WARS2: variants seen among roughly 807,000 people sequenced by gnomAD.
WARS2 encodes tryptophan--tRNA ligase, mitochondrial.
WARS2 carries 28 observed loss-of-function variants against 36.5 expected under a neutral mutation model. That is an observed-to-expected ratio of 0.77 (90% CI 0.57 to 1.05). The LOEUF (loss-of-function observed/expected upper bound fraction) is 1.05. Among genes scored for constraint, WARS2 ranks in the 50% least tolerant of loss-of-function variants. The pLI is 0.00. For synonymous variants in WARS2, 174 were observed against 178.4 expected, an observed-to-expected ratio of 0.98 and a Z score of 0.20; for missense variants, 435 against 456.8, an observed-to-expected ratio of 0.95 and a Z score of 0.44.
rs368847396 is a variant in WARS2, at chr1:119,108,334, G to A, written c.91-31727C>T. On this transcript the variant is annotated intron_variant, in intron 1 of 5. Coordinates refer to ENST00000235521, the MANE Select transcript of WARS2 (RefSeq NM_015836.4). ...AGGCCTGGTACTTTATATTTTGGAA[G>A]GTTTTAAATTATTGATTCAATTGAT... 3.3e-5 allele frequency among the ~76,000 whole-genome samples: 5 copies of A among 151,970 alleles called. No individual in the cohort carries two copies. The East Asian group carries it at 9.7e-4, about 29-fold the overall frequency.
chr1:119,096,460 T>G (rs888566953), intron 1 of WARS2, among the ~76,000 whole-genome samples: 2 of 152,166 alleles, frequency 1.3e-5, no homozygotes, highest in African/African-American at 4.8e-5. Context: ...CTGATTTTAT[T>G]TTTATATATT....
chr1:119,039,438 AAG>A (rs1226223681), intron 4 of WARS2, among the ~76,000 whole-genome samples: 1 of 151,916 alleles, frequency 6.6e-6, no homozygotes, highest in Non-Finnish European at 1.5e-5. Flanking sequence ...GAGAGAGAAA[AAG>A]AGAGAGAGAG....
intron 1 of WARS2, among the ~76,000 whole-genome samples, chr1:119,124,387 T>C (rs1189954321): frequency 6.6e-6 from 1 of 151,944 alleles, no homozygotes; most frequent in Non-Finnish European, 1.5e-5. Context: ...CTACTTGGAA[T>C]GCTGAGGCAG....
At chr1:119,057,498 A>T (rs965362301) in intron 2 of WARS2, among the ~76,000 whole-genome samples, 1 of 151,712 alleles carries the variant, frequency 6.6e-6, no homozygotes, top group Non-Finnish European at 1.5e-5. Context: ...GCCATTTAAA[A>T]TATTAGCATG....
At chr1:119,108,844 T>C (rs1654421825) in intron 1 of WARS2, among the ~76,000 whole-genome samples, 2 of 151,982 alleles carry the variant, frequency 1.3e-5, no homozygotes, top group Non-Finnish European at 2.9e-5. Flanking sequence ...TTCAAATATA[T>C]TCATTTAATG....
At chr1:119,116,226 T>C (rs1451258731) in intron 1 of WARS2, among the ~76,000 whole-genome samples, 1 of 152,134 alleles carries the variant, frequency 6.6e-6, no homozygotes, top group African/African-American at 2.4e-5. Flanking sequence ...GTGGAGTAAG[T>C]ATAGTTAGTA....
At chr1:119,122,506 T>G (rs12564953) in intron 1 of WARS2, among the ~76,000 whole-genome samples, 3,795 of 152,240 alleles carry the variant, frequency 0.025, 177 homozygotes, top group East Asian at 0.21. Context: ...GAATTAAAAG[T>G]AGAATGACCA....
At chr1:119,091,511 C>T (rs1653044493) in intron 1 of WARS2, among the ~76,000 whole-genome samples, 1 of 152,068 alleles carries the variant, frequency 6.6e-6, no homozygotes, top group Non-Finnish European at 1.5e-5. Context: ...TTTGTTTTAC[C>T]CCTTTGATTC....
At chr1:119,098,498 C>T (rs1653616929) in intron 1 of WARS2, among the ~76,000 whole-genome samples, 1 of 152,076 alleles carries the variant, frequency 6.6e-6, no homozygotes, top group Admixed American at 6.5e-5. Flanking sequence ...AGTGCAATGG[C>T]ACGATCTCGG....
At chr1:119,103,134 G>T (rs888621426) in intron 1 of WARS2, among the ~76,000 whole-genome samples, 15 of 152,138 alleles carry the variant, frequency 9.9e-5, no homozygotes, top group African/African-American at 3.4e-4. Context: ...ATTGCTCATC[G>T]AATTGACCAG....
At chr1:119,033,516 G>A (rs923611149) in intron 5 of WARS2, 157 bp from the exon 6 acceptor site, 8 of 881,214 alleles carry the variant, frequency 9.1e-6, no homozygotes, top group Non-Finnish European at 1.0e-5. Flanking sequence ...AGTAGAAACT[G>A]TACTTGAAAT....
chr1:119,131,094 G>A (rs1297541039), intron 1 of WARS2, among the ~76,000 whole-genome samples: 5 of 152,168 alleles, frequency 3.3e-5, no homozygotes, highest in Non-Finnish European at 7.4e-5. Context: ...CTATAAGAGA[G>A]ATACAATGTC....
intron 1 of WARS2, among the ~76,000 whole-genome samples, chr1:119,122,066 C>A (rs910245028): frequency 1.3e-5 from 2 of 151,984 alleles, no homozygotes; most frequent in Non-Finnish European, 2.9e-5. Flanking sequence ...CTAAAAAGTG[C>A]CTGCACAGCA....
At chr1:119,113,534 T>C (rs2101510190) in intron 1 of WARS2, among the ~76,000 whole-genome samples, 1 of 152,228 alleles carries the variant, frequency 6.6e-6, no homozygotes, top group Admixed American at 6.5e-5. Flanking sequence ...AAATTTTTTT[T>C]AAGGTTAAAA....
chr1:119,122,214 C>T (rs1655369379), intron 1 of WARS2, among the ~76,000 whole-genome samples: 1 of 152,146 alleles, frequency 6.6e-6, no homozygotes, highest in Middle Eastern at 3.4e-3. Flanking sequence ...CAATCAATCC[C>T]ATCAAAAAGT....
At chr1:119,086,049 A>G (rs1262829584) in intron 1 of WARS2, 2 of 1,332,530 alleles carry the variant, frequency 1.5e-6, no homozygotes, top group African/African-American at 1.5e-5. Flanking sequence ...TCGTAGAGGC[A>G]AGGTCTTGCT....
At chr1:119,099,885 G>A (rs1397042630) in intron 1 of WARS2, among the ~76,000 whole-genome samples, 1 of 152,144 alleles carries the variant, frequency 6.6e-6, no homozygotes, top group African/African-American at 2.4e-5. Context: ...CCTGCACACT[G>A]GCTAGGCAAA....
intron 1 of WARS2, chr1:119,082,327 G>A (rs901929248): frequency 4.1e-6 from 4 of 985,142 alleles, no homozygotes; most frequent in African/African-American, 3.5e-5. Flanking sequence ...TTCCTTACAC[G>A]TGCTGTACCT....
intron 2 of WARS2, among the ~76,000 whole-genome samples, chr1:119,058,158 G>T (rs1649999206): frequency 6.6e-6 from 1 of 152,036 alleles, no homozygotes; most frequent in Non-Finnish European, 1.5e-5. Flanking sequence ...TGAGAGTCAA[G>T]GTTCATGTTC....
Sources: gnomAD v4.1 joint callset for allele counts (sites outside exome capture counted in the v4.1 genomes callset) on GRCh38, gnomAD v4.1.1 for gene constraint, MANE v1.5 for transcripts, NCBI Gene and HGNC (gene_info 2026-07-23, HGNC 2026-07-21) for gene names.